USP13: variants seen among roughly 807,000 people sequenced by gnomAD.
The protein encoded by USP13 is ubiquitin carboxyl-terminal hydrolase 13.
In USP13, 68 loss-of-function variants were observed where a neutral mutation model predicts 107.8. That is an observed-to-expected ratio of 0.63 (90% CI 0.52 to 0.77). USP13 has a LOEUF of 0.77. Among genes scored for constraint, USP13 ranks in the 30% least tolerant of loss-of-function variants. The pLI is 0.00. For synonymous variants in USP13, 377 were observed against 389.5 expected (o/e 0.97, Z 0.38); for missense variants, 945 against 1,093.3 (o/e 0.86, Z 1.91).
Position 179,742,323 on chromosome 3 carries a change from G to A in USP13, c.1507G>A (p.Val503Met). ...ERVDYLMQLPVAMEAATNKDE... is the reference protein window; with the variant it reads ...ERVDYLMQLPMAMEAATNKDE... The stretch of plus-strand genomic sequence containing the variant: ...GGTGGATTACCTGATGCAGTTACCT[G>A]TGGCCATGGAGGCGGCAACCAACAA... The change falls in exon 12 of 21, where the codon GTG (valine) becomes ATG (methionine). Residue 503 changes from valine (V) to methionine (M), a missense_variant. Transcript: ENST00000263966. The surrounding 1 kb of genome is among the most constrained non-coding windows in gnomAD (Gnocchi z 5.0). The A allele has an allele frequency of 6.2e-7, 1 of 1,614,218 alleles. No individual in the cohort carries two copies.
intron 10 of USP13, among the ~76,000 whole-genome samples, chr3:179,734,185 A>G (rs1713905250): frequency 6.6e-6 from 1 of 152,246 alleles, no homozygotes; most frequent in South Asian, 2.1e-4. Context: ...CATGCTTAAT[A>G]AACATTGTCA....
At position 179,742,372 on chromosome 3, in the gene USP13, A is replaced by G. The variant is rs547160472; in HGVS notation, c.1534+22A>G. On this transcript the variant is annotated intron_variant, in intron 12 of 20. Coordinates refer to ENST00000263966, the MANE Select transcript of USP13 (RefSeq NM_003940.3). This position sits in a 1 kb window ranked among gnomAD's most constrained non-coding sequence, Gnocchi z 5.0. ...AAGGGTAACAATTCCAAAGCGGGAA[A>G]TTGGTACTGTGTGTCTTCATATGGG... is the stretch of plus-strand genomic sequence containing the variant. 70 of 1,613,778 alleles carry G rather than the reference A, an allele frequency of 4.3e-5. No individual in the cohort carries two copies. The highest frequency in any genetic ancestry group is 5.8e-5 in the Non-Finnish European group (69 of 1,179,840).
chr3:179,743,925 A>AG lies in USP13; in HGVS notation c.1535-1117dup, dbSNP rs1436804818. Among the ~76,000 whole-genome samples the AG allele has an allele frequency of 7.9e-3, 505 of 63,606 alleles. 6 individuals carry two copies. The highest frequency in any genetic ancestry group is 0.031 in the African/African-American group (472 of 15,458). 41.7% of individuals were successfully genotyped at this position (63,606 alleles called of 152,430 possible). A position where few individuals can be genotyped will look rare whatever the true frequency, so the allele number is the denominator to read the frequency against. ...TGTACCTACAAACTGATAAATAAGG[A>AG]GTTTTTTTTTTTTTTTTTTTGAGTA... On this transcript the variant is annotated intron_variant, in intron 12 of 20. Coordinates refer to ENST00000263966, the MANE Select transcript of USP13 (RefSeq NM_003940.3).
At chr3:179,661,656 G>C (rs1041163390) in intron 1 of USP13, among the ~76,000 whole-genome samples, 23 of 151,988 alleles carry the variant, frequency 1.5e-4, no homozygotes, top group African/African-American at 5.3e-4. Context: ...GGGAGTGGAG[G>C]GTGAAGGTGG....
intron 3 of USP13, among the ~76,000 whole-genome samples, chr3:179,690,961 A>G (rs1712096920): frequency 6.6e-6 from 1 of 152,084 alleles, no homozygotes; most frequent in African/African-American, 2.4e-5. Flanking sequence ...TGAACCTAGG[A>G]GTTTGAGATC....
chr3:179,743,933 T>TG (rs1343602481), intron 12 of USP13, among the ~76,000 whole-genome samples: 1 of 151,254 alleles, frequency 6.6e-6, no homozygotes, highest in South Asian at 2.1e-4. Flanking sequence ...GGAGTTTTTT[T>TG]TTTTTTTTTT....
chr3:179,716,310 A>G (rs1713112261), intron 6 of USP13, among the ~76,000 whole-genome samples: 1 of 152,112 alleles, frequency 6.6e-6, no homozygotes, highest in South Asian at 2.1e-4. Context: ...CTGGAGGGAG[A>G]ATTTGGACTT....
chr3:179,784,443 TG>T lies in USP13; in HGVS notation c.*306del, dbSNP rs1300891383. ...GGATCTGCCATCAGCACATCAAAAA[TG>T]GGGATGTGCCCCCAGCCCTCTATTT... On this transcript the variant is annotated 3_prime_UTR_variant, in exon 21 of 21. Coordinates refer to ENST00000263966, the MANE Select transcript of USP13 (RefSeq NM_003940.3). 1.3e-5 allele frequency: 3 copies of T among 238,252 alleles called. No individual in the cohort carries two copies. Among genetic ancestry groups the T allele is most frequent in the Non-Finnish European group, 2.5e-5 (3 of 122,418 alleles). The allele number at this position is 238,252 out of a possible 1,614,324, so 14.8% of individuals were successfully genotyped here. A position where few individuals can be genotyped will look rare whatever the true frequency, so the allele number is the denominator to read the frequency against.
chr3:179,709,906 G>A (rs1057411488), intron 6 of USP13, among the ~76,000 whole-genome samples: 11 of 152,154 alleles, frequency 7.2e-5, no homozygotes, highest in Non-Finnish European at 1.6e-4. Flanking sequence ...GCCTGCTTCA[G>A]AGTTAATTGC....
intron 1 of USP13, among the ~76,000 whole-genome samples, chr3:179,658,277 A>G (rs1324221354): frequency 4.6e-5 from 7 of 151,928 alleles, no homozygotes; most frequent in African/African-American, 9.7e-5. Flanking sequence ...TTCTAAGACC[A>G]CCTTCCTCTT....
rs1714244499 is a variant in USP13, at chr3:179,742,617, T to A, written c.1534+267T>A. 1.3e-5 allele frequency among the ~76,000 whole-genome samples: 2 copies of A among 152,242 alleles called. No individual in the cohort carries two copies. Among genetic ancestry groups the A allele is most frequent in the African/African-American group, 4.8e-5 (2 of 41,540 alleles). ...ATTTGGCCAACTACTGAATATGGAGTCAGCATAATTTTGGGGAAAATTATT... is the reference window on the plus strand; with the variant it reads ...ATTTGGCCAACTACTGAATATGGAGACAGCATAATTTTGGGGAAAATTATT... On this transcript the variant is annotated intron_variant, in intron 12 of 20. Transcript: ENST00000263966. The surrounding 1 kb of genome is among the most constrained non-coding windows in gnomAD (Gnocchi z 5.0).
At chr3:179,687,449 C>T (rs540337149) in intron 2 of USP13, among the ~76,000 whole-genome samples, 1 of 151,728 alleles carries the variant, frequency 6.6e-6, no homozygotes, top group African/African-American at 2.4e-5. Context: ...CACCTGAGGT[C>T]GGGAGTTCGA....
rs148355309 is a variant in USP13 at position 179,704,356 on chromosome 3, A to G, written c.478-2578A>G. On this transcript the variant is annotated intron_variant, in intron 4 of 20. Transcript: ENST00000263966. Reference sequence around the variant, plus strand: ...AGACAGTCCTAAGGAGGACACAGACATGATTTGGGTAGTTGATGAAACAAA... The same window carrying G: ...AGACAGTCCTAAGGAGGACACAGACGTGATTTGGGTAGTTGATGAAACAAA... 3.0e-4 allele frequency among the ~76,000 whole-genome samples: 45 copies of G among 152,296 alleles called. No homozygotes were observed. The Middle Eastern group carries it at 0.01, about 35-fold the overall frequency.
At chr3:179,672,398 T>C (rs951926771) in intron 1 of USP13, among the ~76,000 whole-genome samples, 1 of 151,788 alleles carries the variant, frequency 6.6e-6, no homozygotes, top group African/African-American at 2.4e-5. Flanking sequence ...TTCTTTTTTT[T>C]TTTTTGAGAC....
At chr3:179,716,793 C>G (rs1713127838) in intron 6 of USP13, among the ~76,000 whole-genome samples, 1 of 152,198 alleles carries the variant, frequency 6.6e-6, no homozygotes, top group South Asian at 2.1e-4. Context: ...TCTGGTTCAT[C>G]TCTATCTCTG....
chr3:179,744,107 GGTAGC>G (rs1275965024), intron 12 of USP13, among the ~76,000 whole-genome samples: 5 of 152,202 alleles, frequency 3.3e-5, no homozygotes, highest in South Asian at 4.1e-4. Flanking sequence ...CTTCTGGGTT[GGTAGC>G]CCTGATGTCT....
At position 179,738,271 on chromosome 3, in the gene USP13, G is replaced by A. The variant is rs565077373; in HGVS notation, c.1255-1976G>A. ...GCAAAGGGAGGTTTTATGGAAAAGT[G>A]GGTGGGTAGCAGCTACAGCCTTTGC... On this transcript the variant is annotated intron_variant, in intron 10 of 20. Transcript: ENST00000263966. 3.3e-5 allele frequency among the ~76,000 whole-genome samples: 5 copies of A among 152,340 alleles called. No homozygotes were observed. In the East Asian group the frequency reaches 9.6e-4, roughly 29 times the overall value.
chr3:179,717,188 A>T (rs1187882436), intron 6 of USP13, among the ~76,000 whole-genome samples: 5 of 152,192 alleles, frequency 3.3e-5, no homozygotes, highest in African/African-American at 7.2e-5. Context: ...TGCTAAGCTG[A>T]GGTTGGGAAT....
chr3:179,684,826 T>C (rs1346347016), intron 2 of USP13, among the ~76,000 whole-genome samples: 3 of 152,062 alleles, frequency 2.0e-5, no homozygotes, highest in Admixed American at 1.3e-4. Context: ...TATTTTTTTT[T>C]CCAGAATTTT....
Sources: gnomAD v4.1 joint callset for allele counts (sites outside exome capture counted in the v4.1 genomes callset) on GRCh38, gnomAD v4.1.1 for gene constraint, Gnocchi (gnomAD v3.1) non-coding constraint, MANE v1.5 for transcripts, NCBI Gene and HGNC (gene_info 2026-07-23, HGNC 2026-07-21) for gene names.